Variants in PAX7 observed in about 807,000 individuals in gnomAD.
The protein encoded by PAX7 is paired box protein Pax-7.
PAX7 carries 18 observed loss-of-function variants against 50.7 expected under a neutral mutation model. That is an observed-to-expected ratio of 0.36 (90% CI 0.25 to 0.53). PAX7 has a LOEUF of 0.53. PAX7 is among the 20% of genes least tolerant of loss of function. The pLI, the probability that PAX7 is intolerant of heterozygous loss-of-function variation, is 0.93. For missense variants in PAX7, 644 were observed against 702.9 expected, an observed-to-expected ratio of 0.92 and a Z score of 0.95; for synonymous variants, 310 against 290.4, an observed-to-expected ratio of 1.07 and a Z score of -0.69.
chr1:18,712,835 A>T (rs1163246029), intron 7 of PAX7, among the ~76,000 whole-genome samples: 3 of 152,072 alleles, frequency 2.0e-5, no homozygotes, highest in Non-Finnish European at 4.4e-5. Context: ...TAATCCCAGC[A>T]CTTTGGGAGG....
chr1:18,721,471 A>T (rs1027607061), intron 7 of PAX7, among the ~76,000 whole-genome samples: 21 of 152,084 alleles, frequency 1.4e-4, no homozygotes, highest in Non-Finnish European at 2.9e-4. Flanking sequence ...CAGAGAGCAG[A>T]CCCCTCCTCA....
intron 7 of PAX7, among the ~76,000 whole-genome samples, chr1:18,716,610 C>G (rs993435157): frequency 2.0e-5 from 3 of 151,800 alleles, no homozygotes; most frequent in Non-Finnish European, 4.4e-5. Flanking sequence ...TGCCACCACC[C>G]CCTTGCTCAC....
rs977760922 is a variant in PAX7, at chr1:18,745,004, G to T, written c.*75G>T. 2.4e-6 allele frequency: 2 copies of T among 842,714 alleles called. No homozygotes were observed. The highest frequency in any genetic ancestry group is 1.7e-5 in the African/African-American group (1 of 58,810). The allele number at this position is 842,714 out of a possible 1,614,324, so 52.2% of individuals were successfully genotyped here. On this transcript the variant is annotated 3_prime_UTR_variant, in exon 9 of 9. Transcript: ENST00000420770. The stretch of plus-strand genomic sequence containing the variant: ...GACCCCTGAGCTTCCCAGCCTTGCC[G>T]CCTCACCCCCCTGTTGTCCTAGGAG...
rs1055477046 is a variant in PAX7 at position 18,745,028 on chromosome 1, A to G, written c.*99A>G. ...CGCCTCACCCCCCTGTTGTCCTAGGAGGCCAGGAAAGGAGCCCACCTGCTT... is the reference window on the plus strand; with the variant it reads ...CGCCTCACCCCCCTGTTGTCCTAGGGGGCCAGGAAAGGAGCCCACCTGCTT... On this transcript the variant is annotated 3_prime_UTR_variant, in exon 9 of 9. Coordinates refer to ENST00000420770, the MANE Select transcript of PAX7 (RefSeq NM_001135254.2). The G allele has an allele frequency of 1.2e-5, 8 of 689,446 alleles. No individual in the cohort carries two copies. The Admixed American group carries it at 1.3e-4, about 12-fold the overall frequency. 42.7% of individuals were successfully genotyped at this position (689,446 alleles called of 1,614,324 possible). A position where few individuals can be genotyped will look rare whatever the true frequency, so the allele number is the denominator to read the frequency against.
intron 4 of PAX7, among the ~76,000 whole-genome samples, chr1:18,644,208 G>A (rs1050505277): frequency 9.2e-5 from 14 of 152,210 alleles, no homozygotes; most frequent in African/African-American, 2.9e-4. Flanking sequence ...CCGCGGCTGT[G>A]TTCCATCCCC....
Position 18,634,669 on chromosome 1 carries a change from A to T in PAX7, c.321+131A>T, listed in dbSNP as rs1178803316. 4 of 678,266 alleles carry T rather than the reference A, an allele frequency of 5.9e-6. No individual in the cohort carries two copies. Among genetic ancestry groups the T allele is most frequent in the Non-Finnish European group, 1.0e-5 (4 of 400,654 alleles). 42.0% of individuals were successfully genotyped at this position (678,266 alleles called of 1,614,324 possible). A position where few individuals can be genotyped will look rare whatever the true frequency, so the allele number is the denominator to read the frequency against. On this transcript the variant is annotated intron_variant, in intron 2 of 8. Transcript: ENST00000420770. The surrounding 1 kb of genome is among the most constrained non-coding windows in gnomAD (Gnocchi z 4.0). ...GCTGGAGGGTGTCTTCTACTCCCAGATGTCCTCCCATTGTTTTCCTATTAT... is the reference window on the plus strand; with the variant it reads ...GCTGGAGGGTGTCTTCTACTCCCAGTTGTCCTCCCATTGTTTTCCTATTAT...
In PAX7 at chr1:18,634,250, C is replaced by T. The variant is rs1422634795; in HGVS notation, c.86-53C>T. The T allele has an allele frequency of 1.2e-5, 17 of 1,446,948 alleles. No homozygotes were observed. In the South Asian group the frequency reaches 1.5e-4, roughly 12 times the overall value. The allele number at this position is 1,446,948 out of a possible 1,614,324, so 89.6% of individuals were successfully genotyped here. A position where few individuals can be genotyped will look rare whatever the true frequency, so the allele number is the denominator to read the frequency against. On this transcript the variant is annotated intron_variant, in intron 1 of 8. Coordinates refer to ENST00000420770, the MANE Select transcript of PAX7 (RefSeq NM_001135254.2). This position sits in a 1 kb window ranked among gnomAD's most constrained non-coding sequence, Gnocchi z 4.0. ...TCAGGGAGTGTACTCAGTGTCTGCT[C>T]TCCATCCTCACCCTGCACCTCTCTC...
Position 18,726,013 on chromosome 1 carries a change from C to CGTGTGTGTGCGTGTGTTT in PAX7, c.1156-9609_1156-9592dup, listed in dbSNP as rs2089565443. On this transcript the variant is annotated intron_variant, in intron 7 of 8. Coordinates refer to ENST00000420770, the MANE Select transcript of PAX7 (RefSeq NM_001135254.2). The surrounding 1 kb of genome is among the most constrained non-coding windows in gnomAD (Gnocchi z 4.8). ...GTGTGTGCGCGCGCGCGCGTGCGCG[C>CGTGTGTGTGCGTGTGTTT]GTGTGTGTGCGTGTGTTTGTGTGTG... Among the ~76,000 whole-genome samples the CGTGTGTGTGCGTGTGTTT allele has an allele frequency of 6.8e-6, 1 of 147,648 alleles. No individual in the cohort carries two copies. The highest frequency in any genetic ancestry group is 2.5e-5 in the African/African-American group (1 of 39,610).
At chr1:18,674,383 C>T (rs189984980) in intron 4 of PAX7, among the ~76,000 whole-genome samples, 73 of 152,286 alleles carry the variant, frequency 4.8e-4, no homozygotes, top group Admixed American at 2.1e-3. Context: ...ACACCAGTGA[C>T]ACACCTGATT....
At chr1:18,650,842 A>T (rs1380533404) in intron 4 of PAX7, among the ~76,000 whole-genome samples, 6 of 152,134 alleles carry the variant, frequency 3.9e-5, no homozygotes, top group Admixed American at 3.9e-4. Context: ...AGCTTTTGTT[A>T]CGGTCACCTG....
At chr1:18,677,312 C>T (rs2088837779) in intron 4 of PAX7, among the ~76,000 whole-genome samples, 1 of 152,186 alleles carries the variant, frequency 6.6e-6, no homozygotes, top group Non-Finnish European at 1.5e-5. Context: ...GGGTGTCAGG[C>T]TTATGTTTCC....
rs187851490 is a variant in PAX7, at chr1:18,726,013, C to T, written c.1156-9619C>T. 1.2e-3 allele frequency among the ~76,000 whole-genome samples: 173 copies of T among 147,760 alleles called. No individual in the cohort carries two copies. The highest frequency in any genetic ancestry group is 4.1e-3 in the African/African-American group (164 of 39,726). On this transcript the variant is annotated intron_variant, in intron 7 of 8. Coordinates refer to ENST00000420770, the MANE Select transcript of PAX7 (RefSeq NM_001135254.2). The surrounding 1 kb of genome is among the most constrained non-coding windows in gnomAD (Gnocchi z 4.8). Reference sequence around the variant, plus strand: ...GTGTGTGCGCGCGCGCGCGTGCGCGCGTGTGTGTGCGTGTGTTTGTGTGTG... The same window carrying T: ...GTGTGTGCGCGCGCGCGCGTGCGCGTGTGTGTGTGCGTGTGTTTGTGTGTG...
intron 7 of PAX7, among the ~76,000 whole-genome samples, chr1:18,733,338 C>G (rs1397733230): frequency 1.3e-5 from 2 of 152,096 alleles, no homozygotes; most frequent in African/African-American, 2.4e-5. Context: ...ACCTCAGCTC[C>G]CTAAAGTAGT....
At chr1:18,711,877 A>G (rs2089356025) in intron 7 of PAX7, among the ~76,000 whole-genome samples, 1 of 152,086 alleles carries the variant, frequency 6.6e-6, no homozygotes, top group Non-Finnish European at 1.5e-5. Flanking sequence ...GACATTTTTC[A>G]GTGTCTGCCC....
intron 4 of PAX7, among the ~76,000 whole-genome samples, chr1:18,655,679 C>G (rs544329855): frequency 7.1e-4 from 108 of 152,280 alleles, no homozygotes; most frequent in Non-Finnish European, 1.3e-3. Context: ...CCAGGTTCCC[C>G]CTCCCTTCTT....
At chr1:18,696,065 CTTTTT>C (rs386366372) in intron 5 of PAX7, among the ~76,000 whole-genome samples, 2 of 128,908 alleles carry the variant, frequency 1.6e-5, no homozygotes, top group African/African-American at 2.9e-5. Context: ...CATTTCTTTT[CTTTTT>C]TTTTTTTTTT....
intron 4 of PAX7, among the ~76,000 whole-genome samples, chr1:18,689,605 T>C (rs2089037955): frequency 6.6e-6 from 1 of 152,094 alleles, no homozygotes. Context: ...AAGGATAACT[T>C]TCCAACGGAC....
chr1:18,649,780 G>A (rs2088403371), intron 4 of PAX7, among the ~76,000 whole-genome samples: 2 of 152,222 alleles, frequency 1.3e-5, no homozygotes, highest in African/African-American at 4.8e-5. Flanking sequence ...ACAGATTGTG[G>A]TTAGGGTTGG....
intron 4 of PAX7, among the ~76,000 whole-genome samples, chr1:18,673,303 G>A (rs1051386540): frequency 1.3e-5 from 2 of 152,170 alleles, no homozygotes; most frequent in South Asian, 2.1e-4. Flanking sequence ...ATAGACACCC[G>A]TTACCACTGT....
Sources: gnomAD v4.1 joint callset for allele counts (sites outside exome capture counted in the v4.1 genomes callset) on GRCh38, gnomAD v4.1.1 for gene constraint, Gnocchi (gnomAD v3.1) non-coding constraint, MANE v1.5 for transcripts, NCBI Gene and HGNC (gene_info 2026-07-23, HGNC 2026-07-21) for gene names.